SOHLH2: variants seen among roughly 807,000 people sequenced by gnomAD.
SOHLH2 encodes spermatogenesis and oogenesis specific basic helix-loop-helix 2.
Under a neutral mutation model 50.4 loss-of-function variants are expected in SOHLH2, and 22 were observed. The ratio of observed to expected loss-of-function variants is 0.44; its 90% confidence interval spans 0.31 to 0.62. SOHLH2 has a LOEUF of 0.62. Ranked by LOEUF, SOHLH2 falls within the 20% of genes least tolerant of loss-of-function variation. SOHLH2 has a pLI of 0.08. For synonymous variants in SOHLH2, 185 were observed against 187.3 expected (o/e 0.99, Z 0.10); for missense variants, 412 against 504.4 (o/e 0.82, Z 1.76).
chr13:36,180,900 G>A (rs905279284), intron 6 of SOHLH2, among the ~76,000 whole-genome samples: 15 of 151,940 alleles, frequency 9.9e-5, no homozygotes, highest in African/African-American at 2.9e-4. Flanking sequence ...GGTGGTTAGC[G>A]GTGTTCACAT....
At position 36,170,856 on chromosome 13, in the gene SOHLH2, G is replaced by A. The variant is rs926592858; in HGVS notation, c.1001-69C>T. ...CTGTAATTCAGAACGACTGTTATTC[G>A]ACATAAACTGCCCGCTATTTCATTT... On this transcript the variant is annotated intron_variant, in intron 9 of 10. Transcript: ENST00000379881. The A allele has an allele frequency of 1.4e-5, 22 of 1,554,372 alleles. No individual in the cohort carries two copies. In the East Asian group the frequency reaches 2.7e-4, roughly 19 times the overall value.
At chr13:36,184,775 A>G (rs1887366940) in intron 6 of SOHLH2, among the ~76,000 whole-genome samples, 1 of 152,072 alleles carries the variant, frequency 6.6e-6, no homozygotes, top group Admixed American at 6.5e-5. Flanking sequence ...TAAATACTTC[A>G]AGTTCTGGGA....
At chr13:36,197,332 A>G (rs1266370048) in intron 2 of SOHLH2, among the ~76,000 whole-genome samples, 1 of 152,178 alleles carries the variant, frequency 6.6e-6, no homozygotes, top group Non-Finnish European at 1.5e-5. Context: ...TGGAGCCAGC[A>G]TCGCTCAACC....
At chr13:36,192,916 C>A (rs910871751) in intron 4 of SOHLH2, among the ~76,000 whole-genome samples, 1 of 152,084 alleles carries the variant, frequency 6.6e-6, no homozygotes, top group African/African-American at 2.4e-5. Context: ...ACCCCTTGAC[C>A]AACAATAGTC....
chr13:36,193,541 T>C (rs1211260370), intron 4 of SOHLH2, 80 bp downstream of exon 4: 6 of 1,406,446 alleles, frequency 4.3e-6, no homozygotes, highest in Non-Finnish European at 5.8e-6. Context: ...TTATTTATGC[T>C]TGTTTTTGTC....
intron 9 of SOHLH2, 138 bp from the exon 10 acceptor site, chr13:36,170,925 AT>A (rs1304757942): frequency 7.4e-7 from 1 of 1,358,868 alleles, no homozygotes; most frequent in Non-Finnish European, 9.8e-7. Context: ...CCGAATGCTG[AT>A]GGAAAAACAA....
At position 36,168,944 on chromosome 13, in the gene SOHLH2, G is replaced by T. The variant is rs1886890285; in HGVS notation, c.*90C>A. The T allele has an allele frequency of 6.5e-7, 1 of 1,539,290 alleles. No individual in the cohort carries two copies. The highest frequency in any genetic ancestry group is 8.7e-7 in the Non-Finnish European group (1 of 1,145,760). ...TTTTGATATTAGGTCTTTGGGTGGAGCTTTCAAAATCATTCTTTGTTCCAC... is the reference window on the plus strand; with the variant it reads ...TTTTGATATTAGGTCTTTGGGTGGATCTTTCAAAATCATTCTTTGTTCCAC... On this transcript the variant is annotated 3_prime_UTR_variant, in exon 11 of 11. Transcript: ENST00000379881.
intron 7 of SOHLH2, 52 bp downstream of exon 7, chr13:36,174,670 G>C (rs1183843893): frequency 6.3e-7 from 1 of 1,596,280 alleles, no homozygotes; most frequent in Non-Finnish European, 8.5e-7. Context: ...TAAAATTGTA[G>C]TATTAAAGCA....
At chr13:36,170,855 C>A in intron 9 of SOHLH2, 68 bp from the exon 10 acceptor site, 1 of 1,557,314 alleles carries the variant, frequency 6.4e-7, no homozygotes, top group South Asian at 1.2e-5. Flanking sequence ...GACTGTTATT[C>A]GACATAAACT....
chr13:36,184,442 G>A (rs184586817), intron 6 of SOHLH2, among the ~76,000 whole-genome samples: 1 of 119,766 alleles, frequency 8.3e-6, no homozygotes, highest in East Asian at 2.4e-4. Flanking sequence ...AATGATGGAA[G>A]TTTCTACCTA....
rs186711605 is a variant in SOHLH2, at chr13:36,197,140, G to A, written c.264-3273C>T. Among the ~76,000 whole-genome samples the A allele has an allele frequency of 1.3e-3, 202 of 152,290 alleles. 1 individual carries two copies. The highest frequency in any genetic ancestry group is 4.6e-3 in the African/African-American group (191 of 41,558). Reference sequence around the variant, plus strand: ...ACCAAAATCAAACTGTAGGCTCTGAGACCTTCTCAATTAATGTCTCTTGTG... The same window carrying A: ...ACCAAAATCAAACTGTAGGCTCTGAAACCTTCTCAATTAATGTCTCTTGTG... On this transcript the variant is annotated intron_variant, in intron 2 of 10. Transcript: ENST00000379881.
chr13:36,207,872 C>T (rs376089938), intron 1 of SOHLH2, among the ~76,000 whole-genome samples: 95 of 152,220 alleles, frequency 6.2e-4, no homozygotes, highest in African/African-American at 2.2e-3. Flanking sequence ...TGGACATGAG[C>T]GCCCCCTTCT....
At chr13:36,211,640 C>A (rs1869131154) in intron 1 of SOHLH2, among the ~76,000 whole-genome samples, 1 of 152,234 alleles carries the variant, frequency 6.6e-6, no homozygotes, top group South Asian at 2.1e-4. Flanking sequence ...GACCACAGTC[C>A]TGTCACTTAG....
chr13:36,172,745 C>T (rs969884828), intron 9 of SOHLH2, among the ~76,000 whole-genome samples: 4 of 152,232 alleles, frequency 2.6e-5, no homozygotes, highest in South Asian at 2.1e-4. Flanking sequence ...TACTAACTAG[C>T]GCAGGTGAGG....
At chr13:36,188,679 C>T (rs779959035) in intron 6 of SOHLH2, among the ~76,000 whole-genome samples, 10 of 152,168 alleles carry the variant, frequency 6.6e-5, no homozygotes, top group Non-Finnish European at 1.3e-4. Flanking sequence ...TGCTCAATAC[C>T]ACTGCCTCTT....
chr13:36,178,509 GT>G, intron 6 of SOHLH2, among the ~76,000 whole-genome samples: 1 of 152,236 alleles, frequency 6.6e-6, no homozygotes, highest in South Asian at 2.1e-4. Flanking sequence ...TTACCTACTG[GT>G]GATTGTAGCT....
intron 1 of SOHLH2, among the ~76,000 whole-genome samples, chr13:36,208,272 T>C (rs1191773483): frequency 6.6e-6 from 1 of 152,236 alleles, no homozygotes; most frequent in African/African-American, 2.4e-5. Flanking sequence ...TCCTTCCATC[T>C]ACATTTATGA....
intron 1 of SOHLH2, among the ~76,000 whole-genome samples, chr13:36,209,198 AT>A (rs527398921): frequency 6.6e-5 from 10 of 151,974 alleles, no homozygotes; most frequent in South Asian, 4.1e-4. Flanking sequence ...CCTTCTAAGT[AT>A]TTTTTTATAT....
intron 6 of SOHLH2, among the ~76,000 whole-genome samples, chr13:36,184,931 C>T (rs1307565060): frequency 6.6e-6 from 1 of 152,086 alleles, no homozygotes; most frequent in East Asian, 1.9e-4. Context: ...TCCCCTCAAC[C>T]CCCCGACAGG....
Sources: allele counts gnomAD v4.1 joint callset (sites outside exome capture counted in the v4.1 genomes callset), GRCh38; gene constraint gnomAD v4.1.1; transcripts MANE v1.5; gene names NCBI Gene and HGNC (gene_info 2026-07-23, HGNC 2026-07-21).